The following RNLS variants were observed in gnomAD, a reference collection of about 807,000 sequenced individuals.
The protein encoded by RNLS is renalase.
RNLS carries 39 observed loss-of-function variants against 39.8 expected under a neutral mutation model. The observed-to-expected ratio is 0.98, with a 90% confidence interval of 0.76 to 1.28. The LOEUF (loss-of-function observed/expected upper bound fraction) is 1.28. Ranked by LOEUF, RNLS falls within the 50% of genes most tolerant of loss-of-function variation. The probability of loss-of-function intolerance (pLI) is 0.00; values close to 1 mark genes in which losing one functional copy is unlikely to be tolerated. For synonymous variants in RNLS, 147 were observed against 150.7 expected, an observed-to-expected ratio of 0.98 and a Z score of 0.18; for missense variants, 410 against 413.3, an observed-to-expected ratio of 0.99 and a Z score of 0.07.
chr10:88,517,409 T>C (rs1211964361), intron 4 of RNLS, among the ~76,000 whole-genome samples: 2 of 151,966 alleles, frequency 1.3e-5, no homozygotes, highest in East Asian at 3.9e-4. Flanking sequence ...GTTGAGAACA[T>C]ATCTAAAAGG....
intron 4 of RNLS, among the ~76,000 whole-genome samples, chr10:88,521,090 C>T (rs1846697180): frequency 6.6e-6 from 1 of 151,978 alleles, no homozygotes; most frequent in Non-Finnish European, 1.5e-5. Context: ...AATCTATTTA[C>T]CTTGTCCCAA....
At chr10:88,355,275 A>T (rs529847683) in intron 5 of RNLS, among the ~76,000 whole-genome samples, 1 of 152,188 alleles carries the variant, frequency 6.6e-6, no homozygotes, top group South Asian at 2.1e-4. Flanking sequence ...ATTCCTTTGG[A>T]GGAGGAGAGG....
At chr10:88,330,267 G>A (rs889535115) in intron 5 of RNLS, among the ~76,000 whole-genome samples, 9 of 151,644 alleles carry the variant, frequency 5.9e-5, no homozygotes, top group Admixed American at 5.3e-4. Flanking sequence ...TTTAAATAAT[G>A]TTCCTTTGGA....
intron 4 of RNLS, among the ~76,000 whole-genome samples, chr10:88,463,208 G>A (rs1339281783): frequency 6.6e-6 from 1 of 151,954 alleles, no homozygotes; most frequent in East Asian, 1.9e-4. Context: ...GTTAAGGTGA[G>A]GTCATACTAG....
At chr10:88,427,859 A>C (rs539384454) in intron 4 of RNLS, among the ~76,000 whole-genome samples, 17 of 152,116 alleles carry the variant, frequency 1.1e-4, no homozygotes, top group Admixed American at 1.1e-3. Flanking sequence ...TATAGGAAGC[A>C]ACTGAACTAC....
chr10:88,559,763 G>A (rs1849070556), intron 4 of RNLS, among the ~76,000 whole-genome samples: 1 of 152,062 alleles, frequency 6.6e-6, no homozygotes, highest in African/African-American at 2.4e-5. Flanking sequence ...GTCCAAGCAA[G>A]TACCTGTTTG....
At chr10:88,191,493 CAATT>C in the RNLS span, among the ~76,000 whole-genome samples, 55 of 152,120 alleles carry the variant, frequency 3.6e-4, no homozygotes, top group African/African-American at 1.2e-3. Flanking sequence ...CAAATCAAGT[CAATT>C]AACCTAGAGA....
intron 5 of RNLS, among the ~76,000 whole-genome samples, chr10:88,361,276 C>T (rs996562473): frequency 5.3e-5 from 8 of 152,186 alleles, no homozygotes; most frequent in African/African-American, 1.7e-4. Context: ...AGGGCTTCAA[C>T]CTATGTCTGT....
intron 5 of RNLS, among the ~76,000 whole-genome samples, chr10:88,358,943 C>G (rs1849410199): frequency 6.6e-6 from 1 of 152,188 alleles, no homozygotes; most frequent in South Asian, 2.1e-4. Context: ...TGTGTATGTA[C>G]ATTGTAGTAT....
intron 4 of RNLS, among the ~76,000 whole-genome samples, chr10:88,572,147 T>C (rs1849874551): frequency 6.6e-6 from 1 of 152,152 alleles, no homozygotes; most frequent in Non-Finnish European, 1.5e-5. Context: ...TGCTGTCAAC[T>C]AGGAAAGATA....
intron 4 of RNLS, among the ~76,000 whole-genome samples, chr10:88,423,421 C>T (rs1278612745): frequency 1.3e-5 from 2 of 152,164 alleles, no homozygotes; most frequent in African/African-American, 4.8e-5. Context: ...AAACTAATTT[C>T]ATGGAAGTGG....
intron 4 of RNLS, among the ~76,000 whole-genome samples, chr10:88,373,958 T>C (rs950482828): frequency 1.3e-5 from 2 of 152,100 alleles, no homozygotes; most frequent in African/African-American, 4.8e-5. Flanking sequence ...GATGTACAAA[T>C]CTTATATCAC....
the RNLS span, among the ~76,000 whole-genome samples, chr10:88,255,883 G>GTTT: frequency 1.3e-5 from 2 of 152,324 alleles, no homozygotes; most frequent in Non-Finnish European, 2.9e-5. Flanking sequence ...ACCCAGTGGA[G>GTTT]GGAAAGCAGC....
chr10:88,482,681 A>AT (rs934294186), intron 4 of RNLS, among the ~76,000 whole-genome samples: 5 of 151,772 alleles, frequency 3.3e-5, no homozygotes, highest in Non-Finnish European at 7.4e-5. Context: ...TTCTATGATA[A>AT]TTTTTTCCTT....
intron 4 of RNLS, among the ~76,000 whole-genome samples, chr10:88,423,680 C>T (rs1473578168): frequency 6.6e-6 from 1 of 152,196 alleles, no homozygotes; most frequent in Non-Finnish European, 1.5e-5. Flanking sequence ...ACTATATTGG[C>T]AATCTTGCTA....
chr10:88,582,139 C>T (rs1041549067), intron 2 of RNLS, 63 bp downstream of exon 2: 34 of 1,293,970 alleles, frequency 2.6e-5, no homozygotes, highest in Non-Finnish European at 3.4e-5. Context: ...ATCTAATCTT[C>T]ACAACAACCC....
chr10:88,497,661 G>T (rs1263785656), intron 4 of RNLS, among the ~76,000 whole-genome samples: 3 of 152,024 alleles, frequency 2.0e-5, no homozygotes, highest in Admixed American at 1.3e-4. Context: ...ACAAAGAAAA[G>T]ATTTTTGTTT....
intron 4 of RNLS, among the ~76,000 whole-genome samples, chr10:88,490,986 T>C (rs2134064153): frequency 6.6e-6 from 1 of 152,332 alleles, no homozygotes; most frequent in Admixed American, 6.5e-5. Context: ...TTATAAGTTG[T>C]GTGATAAGAG....
At chr10:88,206,764 CTTTCAA>C in the RNLS span, among the ~76,000 whole-genome samples, 1 of 152,088 alleles carries the variant, frequency 6.6e-6, no homozygotes. Flanking sequence ...CATCGTTCAT[CTTTCAA>C]TGCTCAATAA....
Sources: gnomAD v4.1 joint callset for allele counts (sites outside exome capture counted in the v4.1 genomes callset) on GRCh38, gnomAD v4.1.1 for gene constraint, MANE v1.5 for transcripts, NCBI Gene and HGNC (gene_info 2026-07-23, HGNC 2026-07-21) for gene names.